ADGRF3: variants seen among roughly 807,000 people sequenced by gnomAD.
ADGRF3 encodes the protein G protein-coupled receptor 113.
A neutral mutation model predicts 93.2 loss-of-function variants in ADGRF3; 85 were observed. The ratio of observed to expected loss-of-function variants is 0.91; its 90% confidence interval spans 0.77 to 1.09. The LOEUF (loss-of-function observed/expected upper bound fraction) is 1.09. Among genes scored for constraint, ADGRF3 ranks in the 50% least tolerant of loss-of-function variants. ADGRF3 has a pLI of 0.00. For missense variants in ADGRF3, 1,125 were observed against 1,246.2 expected (o/e 0.90, Z 1.46); for synonymous variants, 534 against 532.5 (o/e 1.00, Z -0.04).
chr2:26,345,975 A>G, intron 1 of ADGRF3, 146 bp downstream of exon 1: 1 of 720,194 alleles, frequency 1.4e-6, no homozygotes, highest in Non-Finnish European at 2.3e-6. Context: ...GGACAACAGC[A>G]GTGTCGGGGG....
rs377151929 is a variant in ADGRF3, at chr2:26,313,139, A to G, written c.1270-17T>C. The G allele has an allele frequency of 4.3e-6, 7 of 1,613,084 alleles. No individual in the cohort carries two copies. The highest frequency in any genetic ancestry group is 5.9e-6 in the Non-Finnish European group (7 of 1,179,478). On this transcript the variant is annotated splice_polypyrimidine_tract_variant and intron_variant, in intron 8 of 13. Coordinates refer to ENST00000651242, the MANE Select transcript of ADGRF3 (RefSeq NM_001321971.2). ...CTGCAGCAGCTGAGACAGACGAGAC[A>G]GCATGAAGTGGGACACATGGTGGAA...
rs199833982 is a variant in ADGRF3, at chr2:26,317,060, A to G, written c.182-5T>C. ...AGACGGAGACCAGCGCTGATTCTAC[A>G]GGAGCAGAGGGGACAGCTGGAGAGG... On this transcript the variant is annotated splice_region_variant and splice_polypyrimidine_tract_variant and intron_variant, in intron 2 of 13. Coordinates refer to ENST00000651242, the MANE Select transcript of ADGRF3 (RefSeq NM_001321971.2). 155 of 1,605,990 alleles carry G rather than the reference A, an allele frequency of 9.7e-5. 1 individual carries two copies. The Middle Eastern group carries it at 8.0e-3, about 83-fold the overall frequency.
Position 26,308,847 on chromosome 2 carries a change from A to T in ADGRF3, c.*239T>A. 1 of 499,738 alleles carries T rather than the reference A, an allele frequency of 2.0e-6. No individual in the cohort carries two copies. Among genetic ancestry groups the T allele is most frequent in the Non-Finnish European group, 3.5e-6 (1 of 281,858 alleles). 31.0% of individuals were successfully genotyped at this position (499,738 alleles called of 1,614,324 possible). A position where few individuals can be genotyped will look rare whatever the true frequency, so the allele number is the denominator to read the frequency against. ...TGTCGATTATTTCTGGAGCAAAGGC[A>T]GGCTTATTCATTAGGTGCCTTTAGC... On this transcript the variant is annotated 3_prime_UTR_variant, in exon 14 of 14. Transcript: ENST00000651242.
chr2:26,343,447 T>A (rs1366666276), intron 1 of ADGRF3, among the ~76,000 whole-genome samples: 1 of 151,950 alleles, frequency 6.6e-6, no homozygotes, highest in Non-Finnish European at 1.5e-5. Flanking sequence ...CTTTTTTTTT[T>A]TTATTTTTTT....
rs970194996 is a variant in ADGRF3 at position 26,333,342 on chromosome 2, A to G, written c.114+12779T>C. Among the ~76,000 whole-genome samples, 16 of 24,294 alleles carry G rather than the reference A, an allele frequency of 6.6e-4. No homozygotes were observed. The East Asian group carries it at 0.014, about 22-fold the overall frequency. The allele number at this position is 24,294 out of a possible 152,430, so 15.9% of individuals were successfully genotyped here. A position where few individuals can be genotyped will look rare whatever the true frequency, so the allele number is the denominator to read the frequency against. ...AGGTGTAGGCCATTTGATGGGTCAC[A>G]ATTGCTGAACATAAGAGAATTGATC... On this transcript the variant is annotated intron_variant, in intron 1 of 13. Coordinates refer to ENST00000651242, the MANE Select transcript of ADGRF3 (RefSeq NM_001321971.2).
rs748739555 is a variant in ADGRF3 at position 26,346,412 on chromosome 2, C to T, written c.-178G>A. 4 of 1,219,418 alleles carry T rather than the reference C, an allele frequency of 3.3e-6. No individual in the cohort carries two copies. The African/African-American group carries it at 6.4e-5, about 20-fold the overall frequency. The allele number at this position is 1,219,418 out of a possible 1,614,324, so 75.5% of individuals were successfully genotyped here. A position where few individuals can be genotyped will look rare whatever the true frequency, so the allele number is the denominator to read the frequency against. On this transcript the variant is annotated 5_prime_UTR_variant, in exon 1 of 14. Transcript: ENST00000651242. ...GGCTCCGGGCGGGCTGGCGGGCGTT[C>T]CTCCGGAGGTCCTGCGGGTCCTGGG...
Position 26,346,136 on chromosome 2 carries a change from A to C in ADGRF3, c.99T>G (p.Thr33=), listed in dbSNP as rs562114844. The stretch of plus-strand genomic sequence containing the variant: ...GCTCTCCTACCTTCTCGGGCAGCCC[A>C]GTCTTTGCCATCCTTGCCCAGCCGG... ...HHTGWARMAK[T]GLPEKGQSQA... Residue 33 remains threonine (T), a synonymous_variant, in exon 1 of 14, where the codon ACT becomes ACG. Transcript: ENST00000651242. 2 of 1,599,110 alleles carry C rather than the reference A, an allele frequency of 1.3e-6. No homozygotes were observed. The highest frequency in any genetic ancestry group is 1.7e-6 in the Non-Finnish European group (2 of 1,173,852).
In ADGRF3 at chr2:26,310,231, A is replaced by C; in HGVS notation, c.2839T>G (p.Phe947Val). 2 of 1,614,012 alleles carry C rather than the reference A, an allele frequency of 1.2e-6. No homozygotes were observed. The highest frequency in any genetic ancestry group is 1.7e-6 in the Non-Finnish European group (2 of 1,179,892). The stretch of plus-strand genomic sequence containing the variant: ...ATGAGGCAACCAAACAATAGGATGA[A>C]GACGCCCTGAGAAGAGGGACATGGG... The part of the protein sequence containing the change: ...FTILNTLQGV[F>V]ILLFGCLMDR... Residue 947 changes from phenylalanine (F) to valine (V), a missense_variant, in exon 11 of 14, where the codon TTC becomes GTC. Physicochemically the swap from Phe to Val is conservative, Grantham distance 50 (BLOSUM62 -1). Transcript: ENST00000651242.
chr2:26,318,223 C>T (rs1674877725), intron 1 of ADGRF3: 1 of 734,134 alleles, frequency 1.4e-6, no homozygotes. Flanking sequence ...AGACCTGAGC[C>T]CTGTCTATAT....
intron 1 of ADGRF3, among the ~76,000 whole-genome samples, chr2:26,336,415 G>A (rs1160861263): frequency 6.6e-6 from 1 of 151,812 alleles, no homozygotes. Flanking sequence ...ATGACGACAA[G>A]AGTAATTAAA....
At chr2:26,326,604 A>G (rs10209607) in intron 1 of ADGRF3, among the ~76,000 whole-genome samples, 16,138 of 152,060 alleles carry the variant, frequency 0.11, 2,122 homozygotes, top group African/African-American at 0.31. Flanking sequence ...AACCTAGAAA[A>G]TATTTTTGAG....
chr2:26,319,325 T>G (rs1414882927), intron 1 of ADGRF3, among the ~76,000 whole-genome samples: 1 of 151,976 alleles, frequency 6.6e-6, no homozygotes, highest in Non-Finnish European at 1.5e-5. Flanking sequence ...GGGTTCGAAG[T>G]CACAACCAGC....
At position 26,314,447 on chromosome 2, in the gene ADGRF3, T is replaced by C. The variant is rs1364872548; in HGVS notation, c.895A>G (p.Thr299Ala). Residue 299 changes from threonine (T) to alanine (A), a missense_variant, in exon 6 of 14, where the codon ACC (threonine) becomes GCC (alanine). Transcript: ENST00000651242. ...CCCTCTCCAGGGCTCCAGGCCGCGG[T>C]GTAGGCCAGGTTTGTGCTGGGGATG... is the stretch of plus-strand genomic sequence containing the variant. ...CCIPSTNLAYTAAWSPGEGSK... is the reference protein window; with the variant it reads ...CCIPSTNLAYAAAWSPGEGSK... 4 of 1,613,810 alleles carry C rather than the reference T, an allele frequency of 2.5e-6. No homozygotes were observed. In the African/African-American group the frequency reaches 4.0e-5, roughly 16 times the overall value.
rs1165744238 is a variant in ADGRF3, at chr2:26,316,924, T to C, written c.313A>G (p.Arg105Gly). The stretch of plus-strand genomic sequence containing the variant: ...ACGCAAGTGGTACCTGTTGTGAGTC[T>C]GAGGCCAGTGAGAAGAGGCCTTGGG... ...SSPRPLLTGL[R>G]LTTECNVNHK... Residue 105 changes from arginine to glycine, a missense_variant, in exon 3 of 14, where the codon AGA (arginine) becomes GGA (glycine). Physicochemically the swap from Arg to Gly is moderately radical, Grantham distance 125 (BLOSUM62 -2). Coordinates refer to ENST00000651242, the MANE Select transcript of ADGRF3 (RefSeq NM_001321971.2). 6.2e-7 allele frequency: 1 copy of C among 1,609,474 alleles called. No individual in the cohort carries two copies. Among genetic ancestry groups the C allele is most frequent in the African/African-American group, 1.3e-5 (1 of 74,580 alleles).
rs532523151 is a variant in ADGRF3 at position 26,339,813 on chromosome 2, C to T, written c.114+6308G>A. Among the ~76,000 whole-genome samples, 3 of 152,280 alleles carry T rather than the reference C, an allele frequency of 2.0e-5. No homozygotes were observed. The East Asian group carries it at 5.8e-4, about 29-fold the overall frequency. On this transcript the variant is annotated intron_variant, in intron 1 of 13. Coordinates refer to ENST00000651242, the MANE Select transcript of ADGRF3 (RefSeq NM_001321971.2). ...AGACGAATTCAAGGCAGCTAGTTAA[C>T]AACCTGGCCATTGTTGAGATGACAT...
In ADGRF3 at chr2:26,311,218, C is replaced by A. The variant is rs367794085; in HGVS notation, c.2306G>T (p.Arg769Leu). 1 of 1,604,132 alleles carries A rather than the reference C, an allele frequency of 6.2e-7. No individual in the cohort carries two copies. The highest frequency in any genetic ancestry group is 8.5e-7 in the Non-Finnish European group (1 of 1,175,570). ...GGCGGCAGCAAGGCAGAGCGGGCTT[C>A]GGGGCCCTGGAGAGAGGAATGGGGC... is the stretch of plus-strand genomic sequence containing the variant. ...LGAPFLSPGPRSPLCLAAAFL... is the reference protein window; with the variant it reads ...LGAPFLSPGPLSPLCLAAAFL... The change falls in exon 10 of 14, where the codon CGA becomes CTA. Residue 769 changes from arginine to leucine, a missense_variant. Transcript: ENST00000651242.
At position 26,314,403 on chromosome 2, in the gene ADGRF3, C is replaced by G; in HGVS notation, c.928+11G>C. 3.1e-6 allele frequency: 5 copies of G among 1,607,662 alleles called. No individual in the cohort carries two copies. Among genetic ancestry groups the G allele is most frequent in the South Asian group, 1.1e-5 (1 of 90,546 alleles). ...TCCCTCTGACCCCTGACTGCTGGCC[C>G]CTTCTCATACCTTTGCTGCCCTCTC... On this transcript the variant is annotated intron_variant, in intron 6 of 13. Transcript: ENST00000651242.
At position 26,314,482 on chromosome 2, in the gene ADGRF3, A is replaced by G. The variant is rs1326375002; in HGVS notation, c.860T>C (p.Leu287Pro). The G allele has an allele frequency of 6.2e-7, 1 of 1,614,040 alleles. No homozygotes were observed. ...ISCATSPGFQ[L>P]SCCIPSTNLA... Reference sequence around the variant, plus strand: ...GTTTGTGCTGGGGATGCAGCAGCTCAGCTGGAAGCCAGGGGAGGTGGCACA... The same window carrying G: ...GTTTGTGCTGGGGATGCAGCAGCTCGGCTGGAAGCCAGGGGAGGTGGCACA... The change falls in exon 6 of 14, where the codon CTG becomes CCG. Residue 287 changes from leucine (L) to proline (P), a missense_variant. By Grantham distance (98) the Leu-to-Pro change is moderately conservative. Coordinates refer to ENST00000651242, the MANE Select transcript of ADGRF3 (RefSeq NM_001321971.2).
intron 1 of ADGRF3, among the ~76,000 whole-genome samples, chr2:26,338,526 G>C (rs1271033653): frequency 6.6e-6 from 1 of 152,124 alleles, no homozygotes; most frequent in Non-Finnish European, 1.5e-5. Flanking sequence ...GCAATGGCAC[G>C]ATCTCGGCTC....
Sources: allele counts gnomAD v4.1 joint callset (sites outside exome capture counted in the v4.1 genomes callset), GRCh38; gene constraint gnomAD v4.1.1; transcripts MANE v1.5; gene names NCBI Gene and HGNC (gene_info 2026-07-23, HGNC 2026-07-21).